Variants in MARK1 observed in about 807,000 individuals in gnomAD.
MARK1 encodes the protein serine/threonine-protein kinase MARK1.
In MARK1, 40 loss-of-function variants were observed where a neutral mutation model predicts 96.3. That is an observed-to-expected ratio of 0.42 (90% CI 0.32 to 0.54). The LOEUF is 0.54. Among genes scored for constraint, MARK1 ranks in the 20% least tolerant of loss-of-function variants. The pLI is 0.16. For synonymous variants in MARK1, 317 were observed against 341.2 expected, an observed-to-expected ratio of 0.93 and a Z score of 0.78; for missense variants, 719 against 984.6, an observed-to-expected ratio of 0.73 and a Z score of 3.61.
At chr1:220,568,807 A>G (rs181277312) in intron 1 of MARK1, among the ~76,000 whole-genome samples, 2 of 152,298 alleles carry the variant, frequency 1.3e-5, no homozygotes, top group African/African-American at 4.8e-5. Context: ...AGCTCTGCCT[A>G]TTGATGGACT....
At chr1:220,585,650 C>CAGAT (rs1664545832) in intron 3 of MARK1, among the ~76,000 whole-genome samples, 1 of 152,132 alleles carries the variant, frequency 6.6e-6, no homozygotes. Flanking sequence ...GCTAATATCC[C>CAGAT]TCAAATTAAA....
chr1:220,598,245 T>C, intron 3 of MARK1, 86 bp from the exon 4 acceptor site: 1 of 474,576 alleles, frequency 2.1e-6, no homozygotes, highest in South Asian at 1.7e-5. Context: ...GTAAGCAGAT[T>C]AATTTCTTCA....
intron 2 of MARK1, among the ~76,000 whole-genome samples, chr1:220,580,247 C>T (rs187279024): frequency 5.3e-5 from 8 of 152,080 alleles, no homozygotes; most frequent in African/African-American, 1.9e-4. Flanking sequence ...CCTTGGGAGG[C>T]TGAAGTGGGC....
At chr1:220,528,965 G>A in intron 1 of MARK1, 92 bp downstream of exon 1, 2 of 1,342,908 alleles carry the variant, frequency 1.5e-6, no homozygotes, top group Non-Finnish European at 2.0e-6. Context: ...CCCGTGCCTC[G>A]GCGCGGCCAC....
chr1:220,601,163 C>T (rs995512050), intron 5 of MARK1, among the ~76,000 whole-genome samples: 1 of 152,140 alleles, frequency 6.6e-6, no homozygotes. Context: ...CGTGATCTGC[C>T]TGCCTTGGCC....
chr1:220,563,703 G>A lies in MARK1; in HGVS notation c.52-15651G>A, dbSNP rs142710248. Among the ~76,000 whole-genome samples, 264 of 152,130 alleles carry A rather than the reference G, an allele frequency of 1.7e-3. 1 individual carries two copies. Among genetic ancestry groups the A allele is most frequent in the African/African-American group, 6.0e-3 (249 of 41,526 alleles). On this transcript the variant is annotated intron_variant, in intron 1 of 17. Transcript: ENST00000366917. ...TATTATCATTCATTTTCCTACTTGT[G>A]GTAACCTAGGAATACCCAAGTTAAA... is the stretch of plus-strand genomic sequence containing the variant.
At chr1:220,530,934 G>A (rs757633901) in intron 1 of MARK1, among the ~76,000 whole-genome samples, 1 of 138,724 alleles carries the variant, frequency 7.2e-6, no homozygotes, top group Non-Finnish European at 1.6e-5. Context: ...TATGCACTCA[G>A]CATGTTCATT....
intron 5 of MARK1, among the ~76,000 whole-genome samples, chr1:220,600,781 A>G (rs577828882): frequency 1.3e-5 from 2 of 152,294 alleles, no homozygotes; most frequent in African/African-American, 4.8e-5. Flanking sequence ...AGTTAATGAA[A>G]TTTATAATTT....
At chr1:220,547,075 CCTTT>C (rs1473888081) in intron 1 of MARK1, among the ~76,000 whole-genome samples, 3 of 152,082 alleles carry the variant, frequency 2.0e-5, no homozygotes, top group African/African-American at 4.8e-5. Context: ...AAATCACTAA[CCTTT>C]CTTTCTTATG....
At chr1:220,653,650 G>A (rs1277631104) in intron 16 of MARK1, among the ~76,000 whole-genome samples, 1 of 152,094 alleles carries the variant, frequency 6.6e-6, no homozygotes, top group African/African-American at 2.4e-5. Flanking sequence ...ATATTTAAAA[G>A]CCTTGATTGA....
intron 6 of MARK1, among the ~76,000 whole-genome samples, chr1:220,611,880 A>G (rs963416406): frequency 2.0e-5 from 3 of 151,848 alleles, no homozygotes; most frequent in African/African-American, 7.3e-5. Context: ...TTACAGGCAC[A>G]CACCACCACG....
chr1:220,579,680 G>A (rs1664100708), intron 2 of MARK1, 123 bp downstream of exon 2: 2 of 715,316 alleles, frequency 2.8e-6, no homozygotes, highest in Non-Finnish European at 2.4e-6. Flanking sequence ...TGGGGTGTGT[G>A]TGAATGGAAC....
At position 220,541,945 on chromosome 1, in the gene MARK1, G is replaced by A. The variant is rs557641169; in HGVS notation, c.51+13072G>A. ...TTGTTAACTATTTTCCGTCTTGTAG[G>A]TTTTTGTCCCTCTTATCCTCTCTTG... On this transcript the variant is annotated intron_variant, in intron 1 of 17. Transcript: ENST00000366917. 3.6e-4 allele frequency among the ~76,000 whole-genome samples: 55 copies of A among 152,244 alleles called. 1 individual carries two copies. Among genetic ancestry groups the A allele is most frequent in the Admixed American group, 3.1e-3 (47 of 15,282 alleles).
Position 220,585,202 on chromosome 1 carries a change from C to G in MARK1, c.309+4084C>G, listed in dbSNP as rs376607602. ...CCTAATAGCCAGTTACCCACTGTTT[C>G]ACTCTCCATGAAATTAGTGGTCAGC... On this transcript the variant is annotated intron_variant, in intron 3 of 17. Coordinates refer to ENST00000366917, the MANE Select transcript of MARK1 (RefSeq NM_018650.5). Among the ~76,000 whole-genome samples the G allele has an allele frequency of 3.3e-5, 5 of 152,298 alleles. No individual in the cohort carries two copies. In the East Asian group the frequency reaches 9.6e-4, roughly 29 times the overall value.
At chr1:220,590,853 T>C (rs1664938153) in intron 3 of MARK1, among the ~76,000 whole-genome samples, 2 of 152,178 alleles carry the variant, frequency 1.3e-5, no homozygotes, top group African/African-American at 2.4e-5. Context: ...CCAAAGCTGC[T>C]GAAGGAGAGG....
At chr1:220,649,896 A>C (rs959726541) in intron 13 of MARK1, among the ~76,000 whole-genome samples, 2 of 152,198 alleles carry the variant, frequency 1.3e-5, no homozygotes, top group Non-Finnish European at 2.9e-5. Context: ...ATATTTTATT[A>C]CTGGTGAGTA....
intron 9 of MARK1, chr1:220,627,580 ACAGAAACCAAGGCCCTGAGCC>A (rs1667423238): frequency 3.3e-6 from 1 of 299,356 alleles, no homozygotes; most frequent in Non-Finnish European, 6.5e-6. Flanking sequence ...CAGGGACTAG[ACAGAAACCAAGGCCCTGAGCC>A]CAGGGCAGCT....
intron 17 of MARK1, among the ~76,000 whole-genome samples, chr1:220,658,134 TA>T (rs1669278473): frequency 6.6e-6 from 1 of 152,226 alleles, no homozygotes; most frequent in Admixed American, 6.5e-5. Flanking sequence ...TTTTTCTCAC[TA>T]AAGTAATGTA....
intron 6 of MARK1, among the ~76,000 whole-genome samples, chr1:220,608,319 T>C (rs931422617): frequency 6.6e-6 from 1 of 152,240 alleles, no homozygotes; most frequent in Non-Finnish European, 1.5e-5. Flanking sequence ...CCATTTCTTC[T>C]AGATTTTCTG....
Sources: allele counts gnomAD v4.1 joint callset (sites outside exome capture counted in the v4.1 genomes callset), GRCh38; gene constraint gnomAD v4.1.1; transcripts MANE v1.5; gene names NCBI Gene and HGNC (gene_info 2026-07-23, HGNC 2026-07-21).